MEGF10: variants seen among roughly 807,000 people sequenced by gnomAD.
MEGF10 encodes multiple epidermal growth factor-like domains protein 10.
In MEGF10, 86 loss-of-function variants were observed where a neutral mutation model predicts 147.5. That is an observed-to-expected ratio of 0.58 (90% confidence interval 0.49 to 0.70). The LOEUF is 0.70. MEGF10 is among the 30% of genes least tolerant of loss of function. MEGF10 has a pLI of 0.00. For missense variants in MEGF10, 1,329 were observed against 1,487.3 expected, an observed-to-expected ratio of 0.89 and a Z score of 1.75; for synonymous variants, 478 against 525.5, an observed-to-expected ratio of 0.91 and a Z score of 1.24.
At chr5:127,433,152 C>T (rs972882488) in intron 13 of MEGF10, among the ~76,000 whole-genome samples, 1 of 152,130 alleles carries the variant, frequency 6.6e-6, no homozygotes, top group African/African-American at 2.4e-5. Flanking sequence ...GTTTGTTATT[C>T]GTTCTTCATG....
chr5:127,447,463 C>T (rs1765983992), intron 20 of MEGF10, 94 bp from the exon 21 acceptor site: 1 of 1,551,436 alleles, frequency 6.4e-7, no homozygotes, highest in African/African-American at 1.4e-5. Flanking sequence ...AGGCGTGAGC[C>T]ACCTCGCTGG....
the MEGF10 span, among the ~76,000 whole-genome samples, chr5:127,239,384 C>T: frequency 6.9e-6 from 1 of 145,210 alleles, no homozygotes; most frequent in African/African-American, 2.6e-5. Context: ...AAGACACACA[C>T]ACACACACAC....
Position 127,345,334 on chromosome 5 carries a change from A to G in MEGF10, c.319+4704A>G, listed in dbSNP as rs556149823. ...TGGGTCCAGAGTGGGGCCCAAAGGT[A>G]TGCATTTCTACTGAACCCTCAGGCT... On this transcript the variant is annotated intron_variant, in intron 4 of 24. Transcript: ENST00000503335. Among the ~76,000 whole-genome samples, 7 of 152,268 alleles carry G rather than the reference A, an allele frequency of 4.6e-5. No individual in the cohort carries two copies. In the East Asian group the frequency reaches 9.7e-4, roughly 21 times the overall value.
chr5:127,391,071 TACATAC>T (rs1763641341), intron 5 of MEGF10, among the ~76,000 whole-genome samples: 4 of 146,350 alleles, frequency 2.7e-5, no homozygotes, highest in African/African-American at 1.1e-4. Flanking sequence ...TGTGTATATA[TACATAC>T]ATACACACAT....
At chr5:127,391,638 G>C (rs1019544909) in intron 5 of MEGF10, among the ~76,000 whole-genome samples, 5 of 151,298 alleles carry the variant, frequency 3.3e-5, no homozygotes, top group Non-Finnish European at 7.4e-5. Flanking sequence ...ATCACTGTAA[G>C]TATCAGTCTC....
chr5:127,305,310 AT>A (rs1304720927), intron 1 of MEGF10, among the ~76,000 whole-genome samples: 1 of 152,158 alleles, frequency 6.6e-6, no homozygotes, highest in East Asian at 1.9e-4. Flanking sequence ...ACTTTTAGTT[AT>A]TGAACAATTG....
chr5:127,247,314 G>T, the MEGF10 span, among the ~76,000 whole-genome samples: 1 of 49,372 alleles, frequency 2.0e-5, no homozygotes, highest in Admixed American at 3.5e-4. Flanking sequence ...GCGAGAGAAA[G>T]AGAGAGAAGA....
chr5:127,378,612 C>T (rs750278267), intron 5 of MEGF10, among the ~76,000 whole-genome samples: 1 of 152,128 alleles, frequency 6.6e-6, no homozygotes, highest in Non-Finnish European at 1.5e-5. Flanking sequence ...ACCACCAAAC[C>T]CAGCTAATTT....
At chr5:127,413,882 C>G (rs1453403642) in intron 9 of MEGF10, among the ~76,000 whole-genome samples, 2 of 152,216 alleles carry the variant, frequency 1.3e-5, no homozygotes, top group African/African-American at 4.8e-5. Context: ...ATTTCTCAGC[C>G]TGCCTCTTGC....
the MEGF10 span, among the ~76,000 whole-genome samples, chr5:127,262,405 G>T: frequency 6.6e-6 from 1 of 152,116 alleles, no homozygotes; most frequent in Non-Finnish European, 1.5e-5. Flanking sequence ...ACTAAAATTA[G>T]GCTGAAAAGG....
In MEGF10 at chr5:127,339,039, C is replaced by T. The variant is rs894851790; in HGVS notation, c.117-81C>T. On this transcript the variant is annotated intron_variant, in intron 2 of 24. Transcript: ENST00000503335. ...GGAGTTGCAAATGGAGATAATTTAG[C>T]TTACAAACTTTTAAATACATAGTAT... 4 of 771,428 alleles carry T rather than the reference C, an allele frequency of 5.2e-6. No homozygotes were observed. In the Admixed American group the frequency reaches 1.2e-4, roughly 23 times the overall value. 47.8% of individuals were successfully genotyped at this position (771,428 alleles called of 1,614,324 possible). A position where few individuals can be genotyped will look rare whatever the true frequency, so the allele number is the denominator to read the frequency against.
intron 1 of MEGF10, among the ~76,000 whole-genome samples, chr5:127,296,819 C>T (rs1038976140): frequency 1.2e-4 from 19 of 152,072 alleles, no homozygotes; most frequent in African/African-American, 4.3e-4. Context: ...ACAATCAAAA[C>T]AAAAAAATTT....
chr5:127,231,450 A>G, the MEGF10 span, among the ~76,000 whole-genome samples: 1 of 152,176 alleles, frequency 6.6e-6, no homozygotes, highest in African/African-American at 2.4e-5. Context: ...CTTCCCATCC[A>G]TCAGGTCTCT....
chr5:127,338,933 T>G (rs1174708198), intron 2 of MEGF10, among the ~76,000 whole-genome samples, 187 bp from the exon 3 acceptor site: 4 of 152,102 alleles, frequency 2.6e-5, no homozygotes, highest in Admixed American at 2.6e-4. Context: ...TTTAAATGTA[T>G]TGTTAAAATT....
chr5:127,347,390 A>C (rs1561585157), intron 4 of MEGF10, among the ~76,000 whole-genome samples: 1 of 152,060 alleles, frequency 6.6e-6, no homozygotes, highest in Admixed American at 6.6e-5. Flanking sequence ...ATATATTTTC[A>C]TTAACACATA....
chr5:127,317,393 C>T (rs1191939322), intron 1 of MEGF10, among the ~76,000 whole-genome samples: 1 of 152,142 alleles, frequency 6.6e-6, no homozygotes, highest in African/African-American at 2.4e-5. Context: ...GAAGTCTGTG[C>T]CCATGCCTAT....
the MEGF10 span, among the ~76,000 whole-genome samples, chr5:127,247,406 A>G: frequency 6.4e-4 from 43 of 67,224 alleles, 1 homozygote; most frequent in African/African-American, 1.2e-3. Context: ...AAGAAGAAGA[A>G]GAAGAAGAAG....
chr5:127,240,567 G>C, the MEGF10 span, among the ~76,000 whole-genome samples: 1 of 152,060 alleles, frequency 6.6e-6, no homozygotes, highest in East Asian at 1.9e-4. Context: ...CTGAATTTTA[G>C]TTCTTAAATT....
At chr5:127,235,190 A>G in the MEGF10 span, among the ~76,000 whole-genome samples, 819 of 152,286 alleles carry the variant, frequency 5.4e-3, 6 homozygotes, top group African/African-American at 0.019. Flanking sequence ...TTATAACTGC[A>G]TTGTCCTATA....
Sources: allele counts gnomAD v4.1 joint callset (sites outside exome capture counted in the v4.1 genomes callset), GRCh38; gene constraint gnomAD v4.1.1; transcripts MANE v1.5; gene names NCBI Gene and HGNC (gene_info 2026-07-23, HGNC 2026-07-21).